The following BCAS2 variants were observed in gnomAD, a reference collection of about 807,000 sequenced individuals.
BCAS2 encodes BCAS2 pre-mRNA processing factor, also known as pre-mRNA-splicing factor SPF27.
Under a neutral mutation model 35.3 loss-of-function variants are expected in BCAS2, and 34 were observed. The ratio of observed to expected loss-of-function variants is 0.96; its 90% CI spans 0.73 to 1.28. The LOEUF (loss-of-function observed/expected upper bound fraction) is 1.28. Among genes scored for constraint, BCAS2 ranks in the 50% most tolerant of loss-of-function variants. The pLI is 0.00. For missense variants in BCAS2, 221 were observed against 268.1 expected (o/e 0.82, Z 1.23); for synonymous variants, 75 against 91.6 (o/e 0.82, Z 1.03).
In BCAS2 at chr1:114,568,186, G is replaced by A. The variant is rs1286983229; in HGVS notation, c.622C>T (p.Gln208Ter). ...TIVQLENEIYQIKQQHGEANK... is the reference protein window; with the variant it reads ...TIVQLENEIY Reference sequence around the variant, plus strand: ...GCCTCTCCATGTTGCTGCTTAATTTGATAGATTTCATTTTCTAGCTGAACA... The same window carrying A: ...GCCTCTCCATGTTGCTGCTTAATTTAATAGATTTCATTTTCTAGCTGAACA... The change falls in exon 7 of 7, where the codon CAA becomes TAA. Residue 208 changes from glutamine to a stop codon, truncating the protein, a stop_gained. Coordinates refer to ENST00000369541, the MANE Select transcript of BCAS2 (RefSeq NM_005872.3). LOFTEE classifies it high-confidence loss of function. The A allele has an allele frequency of 1.9e-6, 3 of 1,613,726 alleles. No homozygotes were observed. The highest frequency in any genetic ancestry group is 1.7e-5 in the Admixed American group (1 of 60,006).
rs990420305 is a variant in BCAS2, at chr1:114,576,775, A to G, written c.187-17T>C. On this transcript the variant is annotated splice_polypyrimidine_tract_variant and intron_variant, in intron 2 of 6. Coordinates refer to ENST00000369541, the MANE Select transcript of BCAS2 (RefSeq NM_005872.3). ...TATGTCAGTCTGATGTGTAAATCAG[A>G]AAAAAGATTTCTAAGATCATGTTGA... 2.5e-6 allele frequency: 4 copies of G among 1,589,048 alleles called. No individual in the cohort carries two copies. Among genetic ancestry groups the G allele is most frequent in the Non-Finnish European group, 3.4e-6 (4 of 1,162,796 alleles).
chr1:114,570,827 T>C (rs1381482729), intron 4 of BCAS2, 77 bp from the exon 5 acceptor site: 1 of 1,036,408 alleles, frequency 9.6e-7, no homozygotes, highest in African/African-American at 1.6e-5. Context: ...CAAGTTTTTC[T>C]GCCAAAAATC....
At chr1:114,580,535 C>T (rs1395318265) in intron 2 of BCAS2, among the ~76,000 whole-genome samples, 2 of 152,168 alleles carry the variant, frequency 1.3e-5, no homozygotes, top group Non-Finnish European at 2.9e-5. Flanking sequence ...CATATTATTA[C>T]ACATTTATAC....
intron 4 of BCAS2, among the ~76,000 whole-genome samples, chr1:114,573,122 CAAAAAAAAAAAAAAA>C (rs34796829): frequency 7.9e-4 from 5 of 6,366 alleles, no homozygotes; most frequent in South Asian, 0.014. Context: ...CCCCCACCTC[CAAAAAAAAAAAAAAA>C]AAAAAAAAAA....
chr1:114,575,312 A>G (rs1259758423), intron 4 of BCAS2, among the ~76,000 whole-genome samples: 1 of 147,432 alleles, frequency 6.8e-6, no homozygotes, highest in South Asian at 2.1e-4. Context: ...CTCAGCCTCC[A>G]GAGTAGCTGG....
intron 3 of BCAS2, among the ~76,000 whole-genome samples, chr1:114,576,251 A>T (rs200496203): frequency 7.8e-6 from 1 of 127,444 alleles, no homozygotes. Context: ...CTCTCTCTAT[A>T]TATATATATA....
chr1:114,574,249 T>C (rs1207143978), intron 4 of BCAS2, among the ~76,000 whole-genome samples: 4 of 152,190 alleles, frequency 2.6e-5, no homozygotes, highest in African/African-American at 9.6e-5. Flanking sequence ...ATGTGCACAG[T>C]GGTGAAAAAT....
chr1:114,570,192 G>C (rs1193323277), intron 5 of BCAS2, 120 bp from the exon 6 acceptor site: 2 of 679,046 alleles, frequency 2.9e-6, no homozygotes, highest in Non-Finnish European at 5.0e-6. Context: ...TACAGTTATA[G>C]GCTAACTGTA....
At chr1:114,572,320 G>C in intron 4 of BCAS2, among the ~76,000 whole-genome samples, 1 of 152,196 alleles carries the variant, frequency 6.6e-6, no homozygotes, top group East Asian at 1.9e-4. Flanking sequence ...TCCATGCTGA[G>C]CACTATTGAT....
chr1:114,576,748 A>G lies in BCAS2; in HGVS notation c.197T>C (p.Met66Thr), dbSNP rs1260235644. Reference protein sequence around the residue: ...PDYSAFETDIMRNEFERLAAR... With the variant: ...PDYSAFETDITRNEFERLAAR... Reference sequence around the variant, plus strand: ...AGCCAGTCTTTCAAATTCATTTCTCATTATGTCAGTCTGATGTGTAAATCA... The same window carrying G: ...AGCCAGTCTTTCAAATTCATTTCTCGTTATGTCAGTCTGATGTGTAAATCA... Residue 66 changes from methionine to threonine, a missense_variant, in exon 3 of 7, where the codon ATG (methionine) becomes ACG (threonine). By Grantham distance (81) the Met-to-Thr change is moderately conservative. Coordinates refer to ENST00000369541, the MANE Select transcript of BCAS2 (RefSeq NM_005872.3). The G allele has an allele frequency of 3.7e-6, 6 of 1,608,836 alleles. No homozygotes were observed. The Admixed American group carries it at 5.0e-5, about 13-fold the overall frequency.
chr1:114,576,339 A>C (rs1191009807), intron 3 of BCAS2, among the ~76,000 whole-genome samples: 2 of 150,082 alleles, frequency 1.3e-5, no homozygotes, highest in African/African-American at 4.9e-5. Context: ...GCTTGCTGCA[A>C]CCTCCATCTC....
chr1:114,576,855 A>G, intron 2 of BCAS2, 97 bp from the exon 3 acceptor site: 1 of 845,266 alleles, frequency 1.2e-6, no homozygotes, highest in Non-Finnish European at 1.9e-6. Flanking sequence ...TACCCATTAT[A>G]ATGAATTGTT....
In BCAS2 at chr1:114,575,571, T is replaced by TGAGA; in HGVS notation, c.419+18_419+19insTCTC. The TGAGA allele has an allele frequency of 1.9e-6, 3 of 1,564,124 alleles. No homozygotes were observed. The South Asian group carries it at 3.6e-5, about 19-fold the overall frequency. On this transcript the variant is annotated intron_variant, in intron 4 of 6. Coordinates refer to ENST00000369541, the MANE Select transcript of BCAS2 (RefSeq NM_005872.3). ...GAGAAAAAACAAAAAAAACAGAAGA[T>TGAGA]GAAGAAAAAGGTTCTTACTCATTGT...
rs2101624586 is a variant in BCAS2, at chr1:114,567,573, A to C, written c.*557T>G. 1 of 152,350 alleles carries C rather than the reference A, an allele frequency of 6.6e-6. No homozygotes were observed. Among genetic ancestry groups the C allele is most frequent in the Middle Eastern group, 3.4e-3 (1 of 294 alleles). 9.4% of individuals were successfully genotyped at this position (152,350 alleles called of 1,614,324 possible). The stretch of plus-strand genomic sequence containing the variant: ...CTCCTGAGGTTTTTGTGAGGACCAA[A>C]TAATTTTTATTCACATACATCTAGT... On this transcript the variant is annotated 3_prime_UTR_variant, in exon 7 of 7. Transcript: ENST00000369541.
chr1:114,570,139 A>G (rs898693319), intron 5 of BCAS2, 67 bp from the exon 6 acceptor site: 26 of 1,087,004 alleles, frequency 2.4e-5, no homozygotes, highest in East Asian at 1.5e-4. Context: ...AGAAAACTCT[A>G]TAACACAAGA....
At chr1:114,581,277 C>T in intron 2 of BCAS2, 22 bp downstream of exon 2, 1 of 1,611,950 alleles carries the variant, frequency 6.2e-7, no homozygotes, top group South Asian at 1.1e-5. Context: ...CTCGTTCACA[C>T]CTAGGCTCAA....
At chr1:114,573,421 A>G (rs1557931009) in intron 4 of BCAS2, among the ~76,000 whole-genome samples, 1 of 151,922 alleles carries the variant, frequency 6.6e-6, no homozygotes, top group Admixed American at 6.6e-5. Context: ...CTATAGAGAC[A>G]GGGTTTCACT....
chr1:114,572,861 C>T (rs1654674353), intron 4 of BCAS2, among the ~76,000 whole-genome samples: 1 of 152,036 alleles, frequency 6.6e-6, no homozygotes, highest in South Asian at 2.1e-4. Context: ...ACCTGTAATC[C>T]CAGCACTTTG....
At chr1:114,574,904 C>CT (rs1654723065) in intron 4 of BCAS2, among the ~76,000 whole-genome samples, 1 of 152,152 alleles carries the variant, frequency 6.6e-6, no homozygotes, top group Non-Finnish European at 1.5e-5. Flanking sequence ...GAGTCTCGCT[C>CT]TGTCACTGTG....
Sources: allele counts gnomAD v4.1 joint callset (sites outside exome capture counted in the v4.1 genomes callset), GRCh38; gene constraint gnomAD v4.1.1; transcripts MANE v1.5; gene names NCBI Gene and HGNC (gene_info 2026-07-23, HGNC 2026-07-21).